CSMD1: variants seen among roughly 807,000 people sequenced by gnomAD.
CSMD1 encodes CUB and Sushi multiple domains 1.
A neutral mutation model predicts 417.5 loss-of-function variants in CSMD1; 213 were observed. That is an observed-to-expected ratio of 0.51 (90% CI 0.46 to 0.57). The LOEUF is 0.57. Among genes scored for constraint, CSMD1 ranks in the 20% least tolerant of loss-of-function variants. The pLI, the probability that CSMD1 is intolerant of heterozygous loss-of-function variation, is 0.00. For synonymous variants in CSMD1, 2,862 were observed against 1,736.8 expected (o/e 1.65, Z -16.11); for missense variants, 6,923 against 4,529.7 (o/e 1.53, Z -15.17).
At chr8:3,916,162 C>T (rs554689995) in intron 5 of CSMD1, among the ~76,000 whole-genome samples, 191 of 152,146 alleles carry the variant, frequency 1.3e-3, no homozygotes, top group African/African-American at 4.2e-3. Context: ...TGCTCTATTA[C>T]TTCAAGAAAT....
At chr8:3,875,141 C>T (rs930394218) in intron 5 of CSMD1, among the ~76,000 whole-genome samples, 1 of 151,930 alleles carries the variant, frequency 6.6e-6, no homozygotes, top group Non-Finnish European at 1.5e-5. Context: ...GGAAATTACT[C>T]GATGTAAAAT....
intron 10 of CSMD1, among the ~76,000 whole-genome samples, chr8:3,522,275 C>T (rs1404835074): frequency 6.6e-6 from 1 of 152,060 alleles, no homozygotes; most frequent in Non-Finnish European, 1.5e-5. Flanking sequence ...CATTAAGCAA[C>T]AGCTTTTTAT....
At chr8:4,687,926 A>G (rs998325987) in intron 1 of CSMD1, among the ~76,000 whole-genome samples, 3 of 152,052 alleles carry the variant, frequency 2.0e-5, no homozygotes, top group African/African-American at 7.2e-5. Context: ...GTGAATTGTG[A>G]TGGTTGATCT....
intron 12 of CSMD1, among the ~76,000 whole-genome samples, chr8:3,465,997 C>T (rs1816772353): frequency 6.6e-6 from 1 of 152,102 alleles, no homozygotes; most frequent in South Asian, 2.1e-4. Flanking sequence ...AAACACCCCT[C>T]AGTTGGGTTT....
chr8:4,840,652 T>A (rs1305887089), intron 1 of CSMD1, among the ~76,000 whole-genome samples: 1 of 152,178 alleles, frequency 6.6e-6, no homozygotes, highest in Non-Finnish European at 1.5e-5. Flanking sequence ...ACTTTCTGAG[T>A]GACGTGTCCC....
intron 49 of CSMD1, among the ~76,000 whole-genome samples, chr8:3,054,438 T>G (rs1812077940): frequency 6.6e-6 from 1 of 152,098 alleles, no homozygotes; most frequent in African/African-American, 2.4e-5. Flanking sequence ...GGCAACATGG[T>G]GAAACCCTGT....
intron 50 of CSMD1, among the ~76,000 whole-genome samples, chr8:3,033,674 G>C (rs895801292): frequency 1.4e-4 from 21 of 150,260 alleles, no homozygotes; most frequent in Admixed American, 4.0e-4. Context: ...CTAGATGACA[G>C]GTTGACGGGT....
intron 10 of CSMD1, among the ~76,000 whole-genome samples, chr8:3,549,891 A>T (rs1798835409): frequency 6.6e-6 from 1 of 152,252 alleles, no homozygotes; most frequent in Non-Finnish European, 1.5e-5. Context: ...TAACAAATGT[A>T]ATTTGAATAA....
At chr8:4,584,036 A>G (rs182473216) in intron 2 of CSMD1, among the ~76,000 whole-genome samples, 229 of 151,942 alleles carry the variant, frequency 1.5e-3, no homozygotes, top group African/African-American at 5.3e-3. Flanking sequence ...CTTAAGAGCT[A>G]TAACACTCAC....
At chr8:3,947,842 G>C (rs1359789807) in intron 5 of CSMD1, among the ~76,000 whole-genome samples, 1 of 152,086 alleles carries the variant, frequency 6.6e-6, no homozygotes, top group Non-Finnish European at 1.5e-5. Context: ...TTGTTAACAG[G>C]GCTAACAAAA....
chr8:4,205,128 T>C (rs1010646859), intron 3 of CSMD1, among the ~76,000 whole-genome samples: 1 of 152,224 alleles, frequency 6.6e-6, no homozygotes, highest in South Asian at 2.1e-4. Context: ...AACACATTTA[T>C]CTCAACTCTG....
At chr8:3,803,691 C>A (rs1302487749) in intron 5 of CSMD1, among the ~76,000 whole-genome samples, 1 of 152,116 alleles carries the variant, frequency 6.6e-6, no homozygotes, top group Non-Finnish European at 1.5e-5. Flanking sequence ...ATTTGTTGGT[C>A]AGAATTAGGA....
At chr8:4,317,794 G>T (rs1417246840) in intron 3 of CSMD1, among the ~76,000 whole-genome samples, 1 of 152,114 alleles carries the variant, frequency 6.6e-6, no homozygotes, top group African/African-American at 2.4e-5. Flanking sequence ...ATATAGTAAA[G>T]TGCCTGATAC....
At chr8:3,538,369 T>C (rs1385623191) in intron 10 of CSMD1, among the ~76,000 whole-genome samples, 1 of 152,032 alleles carries the variant, frequency 6.6e-6, no homozygotes, top group Non-Finnish European at 1.5e-5. Context: ...ATGATGCACC[T>C]GGGATTCCAC....
chr8:3,545,987 A>G (rs2116740376), intron 10 of CSMD1, among the ~76,000 whole-genome samples: 1 of 152,354 alleles, frequency 6.6e-6, no homozygotes, highest in Middle Eastern at 3.4e-3. Context: ...CAATTAGTCA[A>G]CATATTGATG....
At chr8:4,987,912 C>A (rs895688003) in intron 1 of CSMD1, among the ~76,000 whole-genome samples, 1 of 152,142 alleles carries the variant, frequency 6.6e-6, no homozygotes, top group Non-Finnish European at 1.5e-5. Flanking sequence ...AGTGGTTTTC[C>A]GGGGTGTCTT....
intron 3 of CSMD1, among the ~76,000 whole-genome samples, chr8:4,137,225 T>A (rs1248894948): frequency 6.6e-6 from 1 of 152,234 alleles, no homozygotes; most frequent in Admixed American, 6.5e-5. Flanking sequence ...CTTTAATTAA[T>A]TCTCCATGAT....
At chr8:4,114,990 T>G (rs1802056917) in intron 3 of CSMD1, among the ~76,000 whole-genome samples, 1 of 152,160 alleles carries the variant, frequency 6.6e-6, no homozygotes, top group Admixed American at 6.5e-5. Context: ...ATATCTAGAT[T>G]ATTATAGAAA....
chr8:3,563,833 G>C (rs553979381), intron 10 of CSMD1, among the ~76,000 whole-genome samples: 1 of 152,112 alleles, frequency 6.6e-6, no homozygotes, highest in African/African-American at 2.4e-5. Flanking sequence ...AGGTTGCAGT[G>C]AGCCAAGAGT....
Sources: gnomAD v4.1 joint callset for allele counts (sites outside exome capture counted in the v4.1 genomes callset) on GRCh38, gnomAD v4.1.1 for gene constraint, MANE v1.5 for transcripts, NCBI Gene and HGNC (gene_info 2026-07-23, HGNC 2026-07-21) for gene names.